CRTAP: variants seen among roughly 807,000 people sequenced by gnomAD.
CRTAP encodes the protein cartilage associated protein.
A neutral mutation model predicts 42.7 loss-of-function variants in CRTAP; 33 were observed. The observed-to-expected ratio is 0.77, with a 90% CI of 0.59 to 1.03. The LOEUF is 1.03. CRTAP is among the 50% of genes least tolerant of loss of function. The pLI, the probability that CRTAP is intolerant of heterozygous loss-of-function variation, is 0.00. For missense variants in CRTAP, 613 were observed against 533.9 expected, an observed-to-expected ratio of 1.15 and a Z score of -1.46; for synonymous variants, 243 against 217.7, an observed-to-expected ratio of 1.12 and a Z score of -1.02.
At position 33,114,536 on chromosome 3, in the gene CRTAP, C is replaced by T. The variant is rs531119589; in HGVS notation, c.459C>T (p.Phe153=). ...QRREPYKFLQ[F]AYFKANNLPK... ...GCGAGCCCTACAAGTTCCTGCAGTT[C>T]GCTTACTTCAAGGCAAGTCCGCCTC... is the stretch of plus-strand genomic sequence containing the variant. The change falls in exon 1 of 7, where the codon TTC becomes TTT. Residue 153 remains phenylalanine (F), a synonymous_variant. Transcript: ENST00000320954. The T allele has an allele frequency of 5.0e-6, 8 of 1,599,856 alleles. No homozygotes were observed. In the African/African-American group the frequency reaches 9.4e-5, roughly 19 times the overall value.
chr3:33,119,403 A>G lies in CRTAP; in HGVS notation c.472-941A>G, dbSNP rs75855429. Among the ~76,000 whole-genome samples the G allele has an allele frequency of 3.7e-3, 564 of 152,258 alleles. 23 individuals are homozygous for G. The East Asian group carries it at 0.1, about 27-fold the overall frequency. On this transcript the variant is annotated intron_variant, in intron 1 of 6. Coordinates refer to ENST00000320954, the MANE Select transcript of CRTAP (RefSeq NM_006371.5). ...GTAGGGTGGCGTAAAATGCGGGAAGACAGAACCCAGAACTAGCCCAACAGA... is the reference window on the plus strand; with the variant it reads ...GTAGGGTGGCGTAAAATGCGGGAAGGCAGAACCCAGAACTAGCCCAACAGA...
rs1701315897 is a variant in CRTAP, at chr3:33,114,365, C to T, written c.288C>T (p.Pro96=). Residue 96 remains proline (P), a synonymous_variant, in exon 1 of 7, where the codon CCC becomes CCT. Transcript: ENST00000320954. ...GCAGCGCCGCGCCGCAGCCCGAGCC[C>T]GCCGCCGGCCTCGCCAGCTATCCCG... is the stretch of plus-strand genomic sequence containing the variant. ...RNCSAAPQPE[P]AAGLASYPEL... 1 of 1,522,668 alleles carries T rather than the reference C, an allele frequency of 6.6e-7. No individual in the cohort carries two copies. Among genetic ancestry groups the T allele is most frequent in the Admixed American group, 2.0e-5 (1 of 49,814 alleles). 94.3% of individuals were successfully genotyped at this position (1,522,668 alleles called of 1,614,324 possible).
chr3:33,132,601 C>T lies in CRTAP; in HGVS notation c.969C>T (p.Leu323=), dbSNP rs1318916871. ...NAAPCAVSYL[L]FDQNDKVMQQ... ...CCCCCTGTGCAGTCAGCTATCTGCT[C>T]TTTGATCAGAATGACAAGGTCATGC... The change falls in exon 5 of 7, where the codon CTC becomes CTT. Residue 323 remains leucine, a synonymous_variant. Transcript: ENST00000320954. 6 of 1,614,076 alleles carry T rather than the reference C, an allele frequency of 3.7e-6. No homozygotes were observed. Among genetic ancestry groups the T allele is most frequent in the Non-Finnish European group, 5.1e-6 (6 of 1,180,030 alleles).
chr3:33,124,626 C>G, intron 3 of CRTAP, 47 bp downstream of exon 3: 1 of 1,608,126 alleles, frequency 6.2e-7, no homozygotes, highest in Non-Finnish European at 8.5e-7. Flanking sequence ...AATAGTCTTC[C>G]TTAGATGTCT....
chr3:33,129,882 A>G, intron 3 of CRTAP, 57 bp from the exon 4 acceptor site: 1 of 1,534,174 alleles, frequency 6.5e-7, no homozygotes, highest in Non-Finnish European at 9.0e-7. Flanking sequence ...AGGAGGCAGT[A>G]GCATATTAAG....
chr3:33,114,172 G>A lies in CRTAP; in HGVS notation c.95G>A (p.Ser32Asn). ...RAGRAQYERY[S>N]FRSFPRDELM... ...GGGCGCGCCCAATACGAACGCTACA[G>A]CTTCCGCAGCTTCCCACGGGACGAG... Residue 32 changes from serine (S) to asparagine (N), a missense_variant, in exon 1 of 7, where the codon AGC (serine) becomes AAC (asparagine). Ser to Asn is a conservative substitution (Grantham distance 46). Coordinates refer to ENST00000320954, the MANE Select transcript of CRTAP (RefSeq NM_006371.5). 1 of 1,591,278 alleles carries A rather than the reference G, an allele frequency of 6.3e-7. No individual in the cohort carries two copies.
intron 3 of CRTAP, among the ~76,000 whole-genome samples, chr3:33,129,529 CTTTTTCTTTTTTT>C (rs2030174716): frequency 7.9e-6 from 1 of 127,124 alleles, no homozygotes; most frequent in Non-Finnish European, 1.7e-5. Context: ...AAATATTTTT[CTTTTTCTTTTTTT>C]TTTTTTTTTT....
intron 4 of CRTAP, among the ~76,000 whole-genome samples, chr3:33,131,804 T>C (rs989806421): frequency 5.3e-5 from 8 of 152,072 alleles, no homozygotes; most frequent in African/African-American, 1.9e-4. Context: ...GGTGGCACAA[T>C]TTATTCATAC....
chr3:33,140,901 C>T (rs1442100423), intron 6 of CRTAP, among the ~76,000 whole-genome samples: 2 of 152,214 alleles, frequency 1.3e-5, no homozygotes, highest in Non-Finnish European at 2.9e-5. Flanking sequence ...ATGAATTGCA[C>T]CACAGAGTTG....
At chr3:33,129,734 C>T (rs1181384668) in intron 3 of CRTAP, among the ~76,000 whole-genome samples, 2 of 151,906 alleles carry the variant, frequency 1.3e-5, no homozygotes, top group Admixed American at 6.6e-5. Context: ...GACAGGGTTT[C>T]ACTGTGTTAA....
intron 6 of CRTAP, among the ~76,000 whole-genome samples, chr3:33,138,573 T>TA (rs1241637036): frequency 6.6e-6 from 1 of 152,240 alleles, no homozygotes; most frequent in Non-Finnish European, 1.5e-5. Context: ...GGGCATATTC[T>TA]AAAAGAATAG....
At position 33,147,071 on chromosome 3, in the gene CRTAP, A is replaced by C. The variant is rs75873340; in HGVS notation, c.*4623A>C. On this transcript the variant is annotated 3_prime_UTR_variant, in exon 7 of 7. Coordinates refer to ENST00000320954, the MANE Select transcript of CRTAP (RefSeq NM_006371.5). Reference sequence around the variant, plus strand: ...AACTCTTGATCATCTGCCATCCCCCAAACAGTGACTTCTTTTTTTCTGGTG... The same window carrying C: ...AACTCTTGATCATCTGCCATCCCCCCAACAGTGACTTCTTTTTTTCTGGTG... 0.017 allele frequency: 2,661 copies of C among 152,780 alleles called. 41 individuals carry two copies. The highest frequency in any genetic ancestry group is 0.029 in the Non-Finnish European group (2,006 of 68,050). 9.5% of individuals were successfully genotyped at this position (152,780 alleles called of 1,614,324 possible).
chr3:33,142,577 C>T lies in CRTAP; in HGVS notation c.*129C>T, dbSNP rs373838055. ...CTCTCCAAAGTGAAAGGGAAGCCCC[C>T]GTCTCTCTAACTGCATGTCATCAGG... is the stretch of plus-strand genomic sequence containing the variant. On this transcript the variant is annotated 3_prime_UTR_variant, in exon 7 of 7. Transcript: ENST00000320954. 35 of 859,462 alleles carry T rather than the reference C, an allele frequency of 4.1e-5. No homozygotes were observed. The highest frequency in any genetic ancestry group is 3.5e-4 in the East Asian group (14 of 39,768). The allele number at this position is 859,462 out of a possible 1,614,324, so 53.2% of individuals were successfully genotyped here.
chr3:33,138,397 T>C (rs1431431374), intron 6 of CRTAP, among the ~76,000 whole-genome samples: 2 of 152,180 alleles, frequency 1.3e-5, no homozygotes, highest in African/African-American at 4.8e-5. Context: ...TCCACTTATT[T>C]GGATTTTTTA....
chr3:33,139,033 ACTCAGGAGGCTGAGGCAAG>A (rs2030501362), intron 6 of CRTAP, among the ~76,000 whole-genome samples: 1 of 152,028 alleles, frequency 6.6e-6, no homozygotes, highest in African/African-American at 2.4e-5. Context: ...AATCCCAGCT[ACTCAGGAGGCTGAGGCAAG>A]AGAATCGCTT....
In CRTAP at chr3:33,147,081, T is replaced by G. The variant is rs1393314862; in HGVS notation, c.*4633T>G. The G allele has an allele frequency of 6.5e-6, 1 of 152,688 alleles. No homozygotes were observed. Among genetic ancestry groups the G allele is most frequent in the Non-Finnish European group, 1.5e-5 (1 of 68,074 alleles). 9.5% of individuals were successfully genotyped at this position (152,688 alleles called of 1,614,324 possible). On this transcript the variant is annotated 3_prime_UTR_variant, in exon 7 of 7. Coordinates refer to ENST00000320954, the MANE Select transcript of CRTAP (RefSeq NM_006371.5). ...CATCTGCCATCCCCCAAACAGTGACTTCTTTTTTTCTGGTGACTCCAGGCC... is the reference window on the plus strand; with the variant it reads ...CATCTGCCATCCCCCAAACAGTGACGTCTTTTTTTCTGGTGACTCCAGGCC...
Position 33,139,736 on chromosome 3 carries a change from C to G in CRTAP, c.1153-2659C>G, listed in dbSNP as rs553633125. 2.0e-5 allele frequency among the ~76,000 whole-genome samples: 3 copies of G among 152,302 alleles called. No homozygotes were observed. In the South Asian group the frequency reaches 6.2e-4, roughly 32 times the overall value. On this transcript the variant is annotated intron_variant, in intron 6 of 6. Coordinates refer to ENST00000320954, the MANE Select transcript of CRTAP (RefSeq NM_006371.5). ...CAGGTGATCAACTTGCCTTGGCCTC[C>G]CAAAGTGCTGGGATTACAGGCGTGA...
intron 6 of CRTAP, among the ~76,000 whole-genome samples, chr3:33,141,841 C>T (rs1230312768): frequency 6.6e-6 from 1 of 152,172 alleles, no homozygotes; most frequent in African/African-American, 2.4e-5. Flanking sequence ...GCAAGTGGAT[C>T]CCACTATCCC....
chr3:33,131,750 C>T (rs1247388127), intron 4 of CRTAP, among the ~76,000 whole-genome samples: 1 of 152,080 alleles, frequency 6.6e-6, no homozygotes, highest in African/African-American at 2.4e-5. Context: ...GTAAATGTCC[C>T]TAAGAGCTGG....
Sources: allele counts gnomAD v4.1 joint callset (sites outside exome capture counted in the v4.1 genomes callset), GRCh38; gene constraint gnomAD v4.1.1; transcripts MANE v1.5; gene names NCBI Gene and HGNC (gene_info 2026-07-23, HGNC 2026-07-21).